CA10: variants seen among roughly 807,000 people sequenced by gnomAD.
CA10 encodes the protein carbonic anhydrase-related protein 10.
Under a neutral mutation model 44.2 loss-of-function variants are expected in CA10, and 14 were observed. That is an observed-to-expected ratio of 0.32 (90% CI 0.21 to 0.50). The LOEUF (loss-of-function observed/expected upper bound fraction) is 0.50, where lower values mean the gene tolerates loss of function less well. Ranked by LOEUF, CA10 falls within the 20% of genes least tolerant of loss-of-function variation. The pLI is 0.99. For missense variants in CA10, 350 were observed against 409.7 expected, an observed-to-expected ratio of 0.85 and a Z score of 1.26; for synonymous variants, 159 against 141.6, an observed-to-expected ratio of 1.12 and a Z score of -0.87.
At chr17:51,644,174 CTT>C (rs35416470) in intron 6 of CA10, among the ~76,000 whole-genome samples, 12 of 149,096 alleles carry the variant, frequency 8.0e-5, no homozygotes, top group South Asian at 2.1e-4. Context: ...AGTTCCCCCC[CTT>C]TTTTTTTTTC....
chr17:51,951,594 AC>A (rs1338093134), intron 2 of CA10, among the ~76,000 whole-genome samples: 59 of 152,240 alleles, frequency 3.9e-4, no homozygotes, highest in African/African-American at 1.3e-3. Flanking sequence ...ACATACAAAT[AC>A]CTTTTTGTCC....
intron 3 of CA10, among the ~76,000 whole-genome samples, chr17:51,918,154 C>T (rs989530213): frequency 2.6e-5 from 4 of 152,186 alleles, no homozygotes; most frequent in Non-Finnish European, 4.4e-5. Flanking sequence ...TGTATTCAAA[C>T]CTACCTAGCA....
chr17:51,967,192 A>G (rs1005959606), intron 2 of CA10, among the ~76,000 whole-genome samples: 16 of 151,888 alleles, frequency 1.1e-4, no homozygotes, highest in African/African-American at 3.4e-4. Context: ...AAAACAATAG[A>G]TACTGGTGAA....
At chr17:51,816,566 T>C (rs1002832992) in intron 3 of CA10, among the ~76,000 whole-genome samples, 5 of 152,212 alleles carry the variant, frequency 3.3e-5, no homozygotes, top group African/African-American at 9.6e-5. Flanking sequence ...ATTATGAATG[T>C]AAGCACCAAC....
chr17:51,663,594 T>C (rs1030149170), intron 4 of CA10, among the ~76,000 whole-genome samples: 3 of 152,198 alleles, frequency 2.0e-5, no homozygotes, highest in Admixed American at 2.0e-4. Flanking sequence ...ACCACTCAAA[T>C]AATCGTGCTG....
At chr17:51,882,181 G>A (rs1302143773) in intron 3 of CA10, among the ~76,000 whole-genome samples, 2 of 151,914 alleles carry the variant, frequency 1.3e-5, no homozygotes, top group Admixed American at 6.6e-5. Flanking sequence ...GATATAACAT[G>A]TACAGTATTC....
chr17:51,668,451 C>G (rs531399041), intron 4 of CA10, among the ~76,000 whole-genome samples: 1 of 152,328 alleles, frequency 6.6e-6, no homozygotes, highest in Non-Finnish European at 1.5e-5. Flanking sequence ...AACTGTCTTT[C>G]AGACAGGAGG....
At chr17:51,889,873 G>A (rs1443029559) in intron 3 of CA10, among the ~76,000 whole-genome samples, 2 of 152,176 alleles carry the variant, frequency 1.3e-5, no homozygotes, top group Non-Finnish European at 2.9e-5. Context: ...TTTTTCATTA[G>A]CTGAACACCC....
intron 2 of CA10, among the ~76,000 whole-genome samples, chr17:52,018,571 C>A (rs762345969): frequency 6.6e-6 from 1 of 152,028 alleles, no homozygotes; most frequent in Non-Finnish European, 1.5e-5. Context: ...TTACTCAATG[C>A]CTGTACCACC....
intron 3 of CA10, among the ~76,000 whole-genome samples, chr17:51,884,094 C>T (rs1235378002): frequency 1.3e-5 from 2 of 152,158 alleles, no homozygotes; most frequent in Non-Finnish European, 2.9e-5. Context: ...TTTGTTGACT[C>T]TACCTTCAAA....
At chr17:51,845,302 T>G (rs1978442748) in intron 3 of CA10, among the ~76,000 whole-genome samples, 1 of 152,190 alleles carries the variant, frequency 6.6e-6, no homozygotes, top group Non-Finnish European at 1.5e-5. Flanking sequence ...TTCTCTGTGC[T>G]CACTCTCTCT....
chr17:52,074,722 T>C (rs995614541), intron 1 of CA10, among the ~76,000 whole-genome samples: 6 of 152,102 alleles, frequency 3.9e-5, no homozygotes, highest in Non-Finnish European at 7.4e-5. Context: ...ATAAAAGAAA[T>C]GTAATTTATA....
At chr17:51,738,253 G>A (rs981966010) in intron 4 of CA10, among the ~76,000 whole-genome samples, 2 of 152,192 alleles carry the variant, frequency 1.3e-5, no homozygotes, top group Admixed American at 1.3e-4. Context: ...ATATGTCAGT[G>A]CAAATGGATC....
At chr17:51,814,272 C>G (rs981246331) in intron 3 of CA10, among the ~76,000 whole-genome samples, 1 of 152,162 alleles carries the variant, frequency 6.6e-6, no homozygotes, top group Non-Finnish European at 1.5e-5. Flanking sequence ...TTACAAAGCA[C>G]TTTCTCAAGT....
chr17:51,974,385 TTA>T (rs1491351751), intron 2 of CA10, among the ~76,000 whole-genome samples: 8 of 37,902 alleles, frequency 2.1e-4, no homozygotes, highest in Admixed American at 1.4e-3. Flanking sequence ...TCCATCTCAT[TTA>T]AAAAAAAAAA....
chr17:51,883,260 T>A (rs1980456900), intron 3 of CA10, among the ~76,000 whole-genome samples: 1 of 152,196 alleles, frequency 6.6e-6, no homozygotes, highest in East Asian at 1.9e-4. Context: ...TCTCTTCTAA[T>A]TTTTCGTTTT....
intron 4 of CA10, among the ~76,000 whole-genome samples, chr17:51,654,173 C>T (rs1176974563): frequency 1.3e-5 from 2 of 152,172 alleles, no homozygotes; most frequent in African/African-American, 4.8e-5. Flanking sequence ...GCTGTTAGGT[C>T]CTGAGTCAGC....
chr17:51,691,882 C>T (rs367585783), intron 4 of CA10, among the ~76,000 whole-genome samples: 3 of 152,184 alleles, frequency 2.0e-5, no homozygotes, highest in South Asian at 2.1e-4. Context: ...TCATATTGGC[C>T]TGAGTCACTT....
chr17:51,723,367 C>A (rs1207694754), intron 4 of CA10, among the ~76,000 whole-genome samples: 2 of 152,024 alleles, frequency 1.3e-5, no homozygotes, highest in African/African-American at 4.8e-5. Flanking sequence ...GAAGTTGAAG[C>A]CAAAAGGTTC....
Sources: allele counts gnomAD v4.1 joint callset (sites outside exome capture counted in the v4.1 genomes callset), GRCh38; gene constraint gnomAD v4.1.1; transcripts MANE v1.5; gene names NCBI Gene and HGNC (gene_info 2026-07-23, HGNC 2026-07-21).